HSPA12A: variants seen among roughly 807,000 people sequenced by gnomAD.
The protein encoded by HSPA12A is heat shock 70 kDa protein 12A.
In HSPA12A, 28 loss-of-function variants were observed where a neutral mutation model predicts 69.2. The ratio of observed to expected loss-of-function variants is 0.40; its 90% confidence interval spans 0.30 to 0.55. The LOEUF is 0.55. HSPA12A is among the 20% of genes least tolerant of loss of function. The pLI, the probability that HSPA12A is intolerant of heterozygous loss-of-function variation, is 0.38. For missense variants in HSPA12A, 686 were observed against 900.7 expected (o/e 0.76, Z 3.05); for synonymous variants, 345 against 370.5 (o/e 0.93, Z 0.79).
At position 116,691,769 on chromosome 10, in the gene HSPA12A, G is replaced by A. The variant is rs555210714; in HGVS notation, c.663+582C>T. Among the ~76,000 whole-genome samples the A allele has an allele frequency of 6.6e-5, 10 of 152,360 alleles. No individual in the cohort carries two copies. In the East Asian group the frequency reaches 1.2e-3, roughly 18 times the overall value. On this transcript the variant is annotated intron_variant, in intron 6 of 11. Coordinates refer to ENST00000369209, the MANE Select transcript of HSPA12A (RefSeq NM_025015.3). ...GCATCTGTCTCCCTGGCCAACAAGC[G>A]CCTGTGCCTGGTATGCCCCTTGGCC...
intron 1 of HSPA12A, among the ~76,000 whole-genome samples, chr10:116,733,426 C>T (rs1225982836): frequency 6.6e-6 from 1 of 152,188 alleles, no homozygotes; most frequent in Non-Finnish European, 1.5e-5. Flanking sequence ...TTCCTCATCA[C>T]AGAGAAACCA....
chr10:116,707,175 A>G, intron 2 of HSPA12A, 25 bp downstream of exon 2: 1 of 1,552,426 alleles, frequency 6.4e-7, no homozygotes, highest in East Asian at 2.3e-5. Context: ...ACACACACAC[A>G]CACACACACA....
chr10:116,718,544 G>A (rs1321390710), intron 1 of HSPA12A, among the ~76,000 whole-genome samples: 4 of 152,114 alleles, frequency 2.6e-5, no homozygotes, highest in African/African-American at 7.2e-5. Flanking sequence ...TTCCTTAATG[G>A]AAGAGACATC....
At chr10:116,680,381 G>A (rs1215475808) in intron 9 of HSPA12A, among the ~76,000 whole-genome samples, 1 of 152,188 alleles carries the variant, frequency 6.6e-6, no homozygotes. Context: ...AGACATCCAA[G>A]GGCGGGGGCT....
chr10:116,706,635 C>T (rs533749154), intron 2 of HSPA12A, among the ~76,000 whole-genome samples: 4 of 152,278 alleles, frequency 2.6e-5, no homozygotes, highest in Non-Finnish European at 5.9e-5. Flanking sequence ...CCCCTCTAAA[C>T]GGCCGCCCCC....
At chr10:116,806,591 G>A (rs925466514) in intron 2 of HSPA12A, among the ~76,000 whole-genome samples, 1 of 152,056 alleles carries the variant, frequency 6.6e-6, no homozygotes, top group African/African-American at 2.4e-5. Context: ...GCCATGATAT[G>A]AATCATTTTT....
At chr10:116,676,218 G>T (rs966801714) in intron 11 of HSPA12A, among the ~76,000 whole-genome samples, 181 bp downstream of exon 11, 1 of 152,214 alleles carries the variant, frequency 6.6e-6, no homozygotes, top group Non-Finnish European at 1.5e-5. Context: ...GGGATCCAGA[G>T]CCTATGCCCA....
chr10:116,738,745 C>A (rs1851390203), intron 1 of HSPA12A, among the ~76,000 whole-genome samples: 2 of 152,056 alleles, frequency 1.3e-5, no homozygotes, highest in African/African-American at 2.4e-5. Flanking sequence ...AGAGGTGATA[C>A]CTTAACTGAG....
At chr10:116,790,543 T>C (rs1166605509) in intron 2 of HSPA12A, among the ~76,000 whole-genome samples, 1 of 152,054 alleles carries the variant, frequency 6.6e-6, no homozygotes, top group Non-Finnish European at 1.5e-5. Flanking sequence ...TCCCTTTGCC[T>C]GGAATACTGA....
At chr10:116,772,700 T>A (rs1017802258) in intron 2 of HSPA12A, among the ~76,000 whole-genome samples, 1 of 151,940 alleles carries the variant, frequency 6.6e-6, no homozygotes, top group Non-Finnish European at 1.5e-5. Flanking sequence ...ATTTATTTAT[T>A]TATTTATTTG....
In HSPA12A at chr10:116,701,075, G is replaced by A. The variant is rs1554881584; in HGVS notation, c.309C>T (p.Ile103=). Residue 103 remains isoleucine (I), a synonymous_variant, in exon 4 of 12, where the codon ATC becomes ATT. Transcript: ENST00000369209. ...GGAACTTCCTCTCGGGAGTCAGCAA[G>A]ATGGTGGTTGGAGTCTTCTGATTGG... ...GVSNQKTPTT[I]LLTPERKFHS... 6.8e-6 allele frequency: 11 copies of A among 1,614,202 alleles called. No homozygotes were observed. The highest frequency in any genetic ancestry group is 9.3e-6 in the Non-Finnish European group (11 of 1,180,042).
chr10:116,812,858 C>T (rs1190851719), intron 2 of HSPA12A, among the ~76,000 whole-genome samples: 1 of 151,994 alleles, frequency 6.6e-6, no homozygotes, highest in Non-Finnish European at 1.5e-5. Flanking sequence ...AATGGAGGGA[C>T]CAAAATGAGG....
chr10:116,678,586 GAA>G (rs11435803), intron 10 of HSPA12A, among the ~76,000 whole-genome samples: 20 of 128,652 alleles, frequency 1.6e-4, no homozygotes, highest in African/African-American at 5.2e-4. Context: ...GGTACAAAGT[GAA>G]AAAAAAAAAA....
intron 1 of HSPA12A, among the ~76,000 whole-genome samples, chr10:116,716,918 G>GATA (rs1206079444): frequency 1.3e-5 from 2 of 152,166 alleles, no homozygotes; most frequent in Non-Finnish European, 2.9e-5. Flanking sequence ...CATGGGGTCA[G>GATA]ATATTCATGC....
intron 2 of HSPA12A, among the ~76,000 whole-genome samples, chr10:116,778,977 G>C (rs1397701817): frequency 6.6e-6 from 1 of 152,144 alleles, no homozygotes; most frequent in Admixed American, 6.5e-5. Context: ...GAAGTCCATG[G>C]CAGAGTGGAA....
At chr10:116,765,300 T>C (rs567733770) in intron 2 of HSPA12A, among the ~76,000 whole-genome samples, 1 of 152,084 alleles carries the variant, frequency 6.6e-6, no homozygotes, top group African/African-American at 2.4e-5. Flanking sequence ...GTAGGAAAAG[T>C]CCAAATTAAA....
chr10:116,729,519 C>T (rs1021547049), intron 1 of HSPA12A, among the ~76,000 whole-genome samples: 1 of 152,098 alleles, frequency 6.6e-6, no homozygotes, highest in Admixed American at 6.5e-5. Context: ...TTGACCCCCC[C>T]AAAACTTAAC....
At chr10:116,801,675 G>A (rs1193205055) in intron 2 of HSPA12A, among the ~76,000 whole-genome samples, 1 of 151,856 alleles carries the variant, frequency 6.6e-6, no homozygotes, top group Admixed American at 6.6e-5. Context: ...AACCTAATAC[G>A]TGGTAAGTTT....
chr10:116,710,049 C>T lies in HSPA12A; in HGVS notation c.41-2764G>A, dbSNP rs559558125. ...AGACCAGCCTGCTGATCTCCACCAT[C>T]TTTGCTAATCTCCCAGCACAAGGGA... On this transcript the variant is annotated intron_variant, in intron 1 of 11. Coordinates refer to ENST00000369209, the MANE Select transcript of HSPA12A (RefSeq NM_025015.3). The surrounding 1 kb of genome is among the most constrained non-coding windows in gnomAD (Gnocchi z 4.1). Among the ~76,000 whole-genome samples the T allele has an allele frequency of 6.6e-6, 1 of 152,320 alleles. No homozygotes were observed. The highest frequency in any genetic ancestry group is 2.1e-4 in the South Asian group (1 of 4,826).
Sources: gnomAD v4.1 joint callset for allele counts (sites outside exome capture counted in the v4.1 genomes callset) on GRCh38, gnomAD v4.1.1 for gene constraint, Gnocchi (gnomAD v3.1) non-coding constraint, MANE v1.5 for transcripts, NCBI Gene and HGNC (gene_info 2026-07-23, HGNC 2026-07-21) for gene names.